The following CXCL13 variants were observed in gnomAD, a reference collection of about 807,000 sequenced individuals.
The protein encoded by CXCL13 is C-X-C motif chemokine 13.
CXCL13 carries 7 observed loss-of-function variants against 12.2 expected under a neutral mutation model. That is an observed-to-expected ratio of 0.57 (90% CI 0.33 to 1.07). The LOEUF (loss-of-function observed/expected upper bound fraction) is 1.07. Among genes scored for constraint, CXCL13 ranks in the 50% least tolerant of loss-of-function variants. The pLI, the probability that CXCL13 is intolerant of heterozygous loss-of-function variation, is 0.04. For synonymous variants in CXCL13, 47 were observed against 42.4 expected, an observed-to-expected ratio of 1.11 and a Z score of -0.42; for missense variants, 113 against 127.4, an observed-to-expected ratio of 0.89 and a Z score of 0.55.
intron 1 of CXCL13, among the ~76,000 whole-genome samples, chr4:77,513,047 T>A (rs2110075918): frequency 6.6e-6 from 1 of 152,194 alleles, no homozygotes. Flanking sequence ...TCTGTCCTCG[T>A]GATAGTTTGC....
At position 77,611,074 on chromosome 4, in the gene CXCL13, C is replaced by A. The variant is rs763315854; in HGVS notation, c.*35C>A. ...TTCCACTAAGAACACCTGCATTCTT[C>A]CCTTATCCCTGCTCTGGATTTTAGT... On this transcript the variant is annotated 3_prime_UTR_variant, in exon 4 of 4. Transcript: ENST00000682537. The A allele has an allele frequency of 2.6e-6, 4 of 1,535,368 alleles. No homozygotes were observed. Among genetic ancestry groups the A allele is most frequent in the Non-Finnish European group, 3.6e-6 (4 of 1,116,478 alleles).
chr4:77,533,726 A>G (rs1428120354), intron 1 of CXCL13, among the ~76,000 whole-genome samples: 1 of 152,162 alleles, frequency 6.6e-6, no homozygotes, highest in East Asian at 1.9e-4. Flanking sequence ...CTCAAGCCTC[A>G]GCAATGGCGG....
At chr4:77,561,327 CAATATTTA>C (rs1280409534) in intron 1 of CXCL13, among the ~76,000 whole-genome samples, 1 of 152,134 alleles carries the variant, frequency 6.6e-6, no homozygotes, top group Non-Finnish European at 1.5e-5. Context: ...TAATTCCTAT[CAATATTTA>C]AGTTTGAGAA....
At chr4:77,524,655 C>T (rs986917848) in intron 1 of CXCL13, among the ~76,000 whole-genome samples, 2 of 151,510 alleles carry the variant, frequency 1.3e-5, no homozygotes, top group Non-Finnish European at 1.5e-5. Context: ...AAAGGGAAAT[C>T]CCCTGTCCCC....
intron 1 of CXCL13, among the ~76,000 whole-genome samples, chr4:77,562,945 A>G (rs1725846984): frequency 1.3e-5 from 2 of 152,156 alleles, no homozygotes; most frequent in South Asian, 4.1e-4. Context: ...AGGCTGCCAG[A>G]GCCAGCAGTG....
chr4:77,606,536 C>T (rs2109837661), intron 1 of CXCL13, among the ~76,000 whole-genome samples: 1 of 152,334 alleles, frequency 6.6e-6, no homozygotes, highest in East Asian at 1.9e-4. Context: ...GCCTTCTGCT[C>T]AGATTTAGAA....
intron 1 of CXCL13, among the ~76,000 whole-genome samples, chr4:77,544,199 A>T (rs1363453443): frequency 6.6e-6 from 1 of 152,162 alleles, no homozygotes; most frequent in East Asian, 1.9e-4. Flanking sequence ...TAGTGCCGCA[A>T]TAAACGTATG....
intron 1 of CXCL13, among the ~76,000 whole-genome samples, chr4:77,544,468 G>T (rs570401103): frequency 6.6e-6 from 1 of 152,242 alleles, no homozygotes; most frequent in Non-Finnish European, 1.5e-5. Flanking sequence ...ATCTCATTGT[G>T]GTTTTGATTT....
At chr4:77,590,334 A>G (rs911738610) in intron 1 of CXCL13, among the ~76,000 whole-genome samples, 1 of 152,226 alleles carries the variant, frequency 6.6e-6, no homozygotes, top group African/African-American at 2.4e-5. Flanking sequence ...TAAGTGAGCC[A>G]AGGTCAAAAG....
chr4:77,529,719 A>C (rs1011488341), intron 1 of CXCL13, among the ~76,000 whole-genome samples: 58 of 152,308 alleles, frequency 3.8e-4, no homozygotes, highest in African/African-American at 1.2e-3. Context: ...TGTCATCTGC[A>C]AACAGGGACA....
chr4:77,514,412 A>C lies in CXCL13; in HGVS notation c.-43+2624A>C, dbSNP rs568186014. Among the ~76,000 whole-genome samples the C allele has an allele frequency of 1.3e-4, 18 of 140,270 alleles. No homozygotes were observed. The East Asian group carries it at 3.5e-3, about 27-fold the overall frequency. The allele number at this position is 140,270 out of a possible 152,430, so 92.0% of individuals were successfully genotyped here. A position where few individuals can be genotyped will look rare whatever the true frequency, so the allele number is the denominator to read the frequency against. ...TTCCACAATGGTTGAACTAGTTTAC[A>C]GTCCCACCAACAGTGTAAAAGTGTT... On this transcript the variant is annotated intron_variant, in intron 1 of 4. Coordinates refer to the CXCL13 transcript ENST00000286758.
chr4:77,528,071 T>C (rs1028810235), intron 1 of CXCL13, among the ~76,000 whole-genome samples: 2 of 152,238 alleles, frequency 1.3e-5, no homozygotes, highest in East Asian at 3.9e-4. Context: ...AGAATGAAGG[T>C]TTCCAGCTTC....
chr4:77,551,851 A>AT (rs1725530438), intron 1 of CXCL13, among the ~76,000 whole-genome samples: 1 of 151,956 alleles, frequency 6.6e-6, no homozygotes, highest in African/African-American at 2.4e-5. Context: ...AAGCTCTGAA[A>AT]TTTTTTCTTC....
chr4:77,526,854 C>T (rs1724779158), intron 1 of CXCL13, among the ~76,000 whole-genome samples: 1 of 152,096 alleles, frequency 6.6e-6, no homozygotes, highest in Admixed American at 6.6e-5. Flanking sequence ...CCAAGAAGGG[C>T]CAGCCACTTG....
chr4:77,542,829 C>A (rs1725238582), intron 1 of CXCL13, among the ~76,000 whole-genome samples: 1 of 151,974 alleles, frequency 6.6e-6, no homozygotes, highest in African/African-American at 2.4e-5. Context: ...AGTTTTCTTT[C>A]TTTGTTGTGC....
intron 2 of CXCL13, among the ~76,000 whole-genome samples, chr4:77,608,576 T>C (rs1727063437): frequency 6.6e-6 from 1 of 152,230 alleles, no homozygotes; most frequent in Admixed American, 6.5e-5. Context: ...TGACTTGGCA[T>C]TCATGAGTGG....
intron 1 of CXCL13, among the ~76,000 whole-genome samples, chr4:77,554,155 A>G (rs1196415799): frequency 6.6e-6 from 1 of 152,250 alleles, no homozygotes; most frequent in Admixed American, 6.5e-5. Flanking sequence ...TCCACCACCA[A>G]CCAACAGCAT....
chr4:77,546,358 G>T (rs530171002), intron 1 of CXCL13, among the ~76,000 whole-genome samples: 22 of 152,280 alleles, frequency 1.4e-4, no homozygotes, highest in African/African-American at 5.3e-4. Flanking sequence ...GTAGAATTCG[G>T]CTGTGAATCT....
At chr4:77,570,243 C>T (rs545359329) in intron 1 of CXCL13, among the ~76,000 whole-genome samples, 1 of 152,264 alleles carries the variant, frequency 6.6e-6, no homozygotes, top group South Asian at 2.1e-4. Context: ...AAAGCAATTG[C>T]AACAAAAGCA....
Sources: allele counts gnomAD v4.1 joint callset (sites outside exome capture counted in the v4.1 genomes callset), GRCh38; gene constraint gnomAD v4.1.1; transcripts MANE v1.5; gene names NCBI Gene and HGNC (gene_info 2026-07-23, HGNC 2026-07-21).